Variants in ENOSF1 observed in about 807,000 individuals in gnomAD.
ENOSF1 encodes the protein enolase superfamily member 1.
In ENOSF1, 73 loss-of-function variants were observed where a neutral mutation model predicts 68.2. The observed-to-expected ratio is 1.07, with a 90% confidence interval of 0.89 to 1.30. The LOEUF (loss-of-function observed/expected upper bound fraction) is 1.30. ENOSF1 is among the 50% of genes most tolerant of loss of function. The pLI, the probability that ENOSF1 is intolerant of heterozygous loss-of-function variation, is 0.00. For synonymous variants in ENOSF1, 223 were observed against 210.4 expected (o/e 1.06, Z -0.52); for missense variants, 589 against 554.5 (o/e 1.06, Z -0.62).
intron 11 of ENOSF1, among the ~76,000 whole-genome samples, chr18:681,439 G>A (rs1278694590): frequency 6.6e-6 from 1 of 152,220 alleles, no homozygotes; most frequent in Non-Finnish European, 1.5e-5. Context: ...GGTAGGCAGA[G>A]ATCAGGTTGG....
chr18:678,684 G>A lies in ENOSF1; in HGVS notation c.918+12C>T, dbSNP rs748850686. The stretch of plus-strand genomic sequence containing the variant: ...AAGGGGACGTCATCCACCTGTTGGG[G>A]GCGTCACTCACCTGTTCTCCTGTGG... On this transcript the variant is annotated intron_variant, in intron 12 of 15. Transcript: ENST00000647584. 5.0e-6 allele frequency: 8 copies of A among 1,613,504 alleles called. No individual in the cohort carries two copies. Among genetic ancestry groups the A allele is most frequent in the African/African-American group, 4.0e-5 (3 of 74,894 alleles).
At position 671,910 on chromosome 18, in the gene ENOSF1, G is replaced by C. The variant is rs1269724556; in HGVS notation, c.*2395C>G. On this transcript the variant is annotated 3_prime_UTR_variant, in exon 16 of 16. Coordinates refer to ENST00000647584, the MANE Select transcript of ENOSF1 (RefSeq NM_017512.7). Reference sequence around the variant, plus strand: ...TTCTTCTGCCTCAGCCTCCCAGGTAGCTGGGATTACAGGCACATGCCACCA... The same window carrying C: ...TTCTTCTGCCTCAGCCTCCCAGGTACCTGGGATTACAGGCACATGCCACCA... 5.9e-6 allele frequency: 1 copy of C among 168,092 alleles called. No individual in the cohort carries two copies. The highest frequency in any genetic ancestry group is 6.3e-5 in the Admixed American group (1 of 15,774). The allele number at this position is 168,092 out of a possible 1,614,324, so 10.4% of individuals were successfully genotyped here.
intron 10 of ENOSF1, 50 bp from the exon 11 acceptor site, chr18:683,430 A>C (rs1452786266): frequency 6.2e-7 from 1 of 1,603,904 alleles, no homozygotes; most frequent in Non-Finnish European, 8.5e-7. Context: ...CCAACCTCAC[A>C]GCAGGGCTGC....
chr18:675,343 C>T lies in ENOSF1; in HGVS notation c.1208G>A (p.Arg403Gln), dbSNP rs1295937924. 12 of 1,612,368 alleles carry T rather than the reference C, an allele frequency of 7.4e-6. No homozygotes were observed. The highest frequency in any genetic ancestry group is 1.7e-5 in the Admixed American group (1 of 59,808). Residue 403 changes from arginine (R) to glutamine (Q), a missense_variant, in exon 15 of 16, where the codon CGG (arginine) becomes CAG (glutamine). Physicochemically the swap from Arg to Gln is conservative, Grantham distance 43. Coordinates refer to ENST00000647584, the MANE Select transcript of ENOSF1 (RefSeq NM_017512.7). ...EHFKYPVMIQRASYMPPKDPG... is the reference protein window; with the variant it reads ...EHFKYPVMIQQASYMPPKDPG... ...TACCTTGGGAGGCATGTAGGAAGCC[C>T]GCTGGATCATCACGGGATACTTGAA...
rs949937304 is a variant in ENOSF1 at position 693,050 on chromosome 18, A to G, written c.423+832T>C. 1.5e-5 allele frequency: 19 copies of G among 1,276,628 alleles called. No homozygotes were observed. In the African/African-American group the frequency reaches 2.4e-4, roughly 16 times the overall value. 79.1% of individuals were successfully genotyped at this position (1,276,628 alleles called of 1,614,324 possible). A position where few individuals can be genotyped will look rare whatever the true frequency, so the allele number is the denominator to read the frequency against. On this transcript the variant is annotated intron_variant, in intron 5 of 15. Coordinates refer to ENST00000647584, the MANE Select transcript of ENOSF1 (RefSeq NM_017512.7). ...CCGCAGCTCAGAGTGGGGAAGTCAC[A>G]TGCTCAAGGTCATGCAGCTGGTGAG...
At chr18:697,487 A>C in intron 2 of ENOSF1, 132 bp from the exon 3 acceptor site, 11 of 673,616 alleles carry the variant, frequency 1.6e-5, no homozygotes, top group Non-Finnish European at 2.5e-5. Flanking sequence ...GCGGTGGCTC[A>C]TGCCTGTAAT....
At position 686,041 on chromosome 18, in the gene ENOSF1, C is replaced by T. The variant is rs371142339; in HGVS notation, c.654-33G>A. The T allele has an allele frequency of 3.0e-4, 457 of 1,532,022 alleles. 3 individuals are homozygous for T. Among genetic ancestry groups the T allele is most frequent in the Non-Finnish European group, 5.9e-5 (65 of 1,105,254 alleles). 94.9% of individuals were successfully genotyped at this position (1,532,022 alleles called of 1,614,324 possible). A position where few individuals can be genotyped will look rare whatever the true frequency, so the allele number is the denominator to read the frequency against. On this transcript the variant is annotated intron_variant, in intron 9 of 15. Coordinates refer to ENST00000647584, the MANE Select transcript of ENOSF1 (RefSeq NM_017512.7). ...ATGCATTTGGTTTGCTAGTTTAGAC[C>T]TGTACCTGGACTTGGCAAGGGCATC...
At chr18:666,022 C>CTAT (rs564065660), downstream of ENOSF1, among the ~76,000 whole-genome samples, 147 of 97,356 alleles carry the variant, frequency 1.5e-3, 41 homozygotes, top group Admixed American at 0.012. Flanking sequence ...CTGTAGATGT[C>CTAT]TATTAGGTCC....
chr18:692,623 A>T, intron 5 of ENOSF1: 2 of 812,320 alleles, frequency 2.5e-6, no homozygotes, highest in South Asian at 1.1e-4. Flanking sequence ...AAGAAAGAAA[A>T]AAAGAAAAAA....
At chr18:669,314 A>G (rs568421222), downstream of ENOSF1, 6 of 614,386 alleles carry the variant, frequency 9.8e-6, no homozygotes, top group African/African-American at 7.4e-5. Flanking sequence ...ACGTTGGGCA[A>G]GTCACATTTT....
intron 15 of ENOSF1, 104 bp from the exon 16 acceptor site, chr18:674,510 A>T: frequency 1.4e-6 from 1 of 721,820 alleles, no homozygotes; most frequent in Non-Finnish European, 2.3e-6. Flanking sequence ...TCTAAGCCAG[A>T]GGCAATTAAT....
At chr18:697,414 C>A (rs2077853855) in intron 2 of ENOSF1, 59 bp from the exon 3 acceptor site, 9 of 1,216,862 alleles carry the variant, frequency 7.4e-6, no homozygotes, top group Non-Finnish European at 1.1e-5. Flanking sequence ...GAAATTAGCA[C>A]CTGAAAACAT....
At chr18:669,346 CA>C (rs2074934301), downstream of ENOSF1, 4 of 490,266 alleles carry the variant, frequency 8.2e-6, no homozygotes, top group African/African-American at 2.0e-5. Flanking sequence ...ACCTTCAGAT[CA>C]TGAGGTTGGG....
downstream of ENOSF1, among the ~76,000 whole-genome samples, chr18:670,120 G>A (rs761710669): frequency 1.0e-4 from 15 of 150,054 alleles, no homozygotes; most frequent in Non-Finnish European, 1.9e-4. Flanking sequence ...CTCCGCTCAC[G>A]GCAACCTCCA....
Position 674,199 on chromosome 18 carries a change from C to A in ENOSF1, c.*106G>T. On this transcript the variant is annotated 3_prime_UTR_variant, in exon 16 of 16. Coordinates refer to ENST00000647584, the MANE Select transcript of ENOSF1 (RefSeq NM_017512.7). ...GAGGGTGGTATGACTTCTAGCTGAA[C>A]TCATCTTGATCGGTAGGATTTTTTA... is the stretch of plus-strand genomic sequence containing the variant. 1 of 752,916 alleles carries A rather than the reference C, an allele frequency of 1.3e-6. No individual in the cohort carries two copies. The allele number at this position is 752,916 out of a possible 1,614,324, so 46.6% of individuals were successfully genotyped here.
At chr18:679,312 C>T (rs1196227786) in intron 11 of ENOSF1, among the ~76,000 whole-genome samples, 2 of 150,798 alleles carry the variant, frequency 1.3e-5, no homozygotes, top group African/African-American at 2.4e-5. Flanking sequence ...CAGGCTGAAG[C>T]GATTCTCGTG....
intron 2 of ENOSF1, among the ~76,000 whole-genome samples, chr18:704,441 A>G (rs1223930434): frequency 3.6e-5 from 1 of 27,550 alleles, no homozygotes; most frequent in South Asian, 8.3e-4. Flanking sequence ...AAAAGAAAAG[A>G]AAAAAAAAAA....
chr18:685,496 G>A (rs759787469), intron 10 of ENOSF1, among the ~76,000 whole-genome samples: 4 of 152,090 alleles, frequency 2.6e-5, no homozygotes, highest in Admixed American at 6.5e-5. Flanking sequence ...TATTTTACAC[G>A]TAAGAACTGG....
In ENOSF1 at chr18:675,301, G is replaced by A. The variant is rs555055889; in HGVS notation, c.1230+20C>T. The A allele has an allele frequency of 2.1e-5, 33 of 1,596,188 alleles. No homozygotes were observed. The East Asian group carries it at 7.2e-4, about 35-fold the overall frequency. On this transcript the variant is annotated intron_variant, in intron 15 of 15. Coordinates refer to ENST00000647584, the MANE Select transcript of ENOSF1 (RefSeq NM_017512.7). ...GGCTGGCAGCATCTCTTCTACAGGG[G>A]CCCTCAGGCCACAGCTTACCTTGGG...
Sources: gnomAD v4.1 joint callset for allele counts (sites outside exome capture counted in the v4.1 genomes callset) on GRCh38, gnomAD v4.1.1 for gene constraint, MANE v1.5 for transcripts, NCBI Gene and HGNC (gene_info 2026-07-23, HGNC 2026-07-21) for gene names.